The following VAMP3 variants were observed in gnomAD, a reference collection of about 807,000 sequenced individuals.
VAMP3 encodes the protein vesicle associated membrane protein 3.
Under a neutral mutation model 18.1 loss-of-function variants are expected in VAMP3, and 11 were observed. That is an observed-to-expected ratio of 0.61 (90% CI 0.38 to 1.00). The LOEUF (loss-of-function observed/expected upper bound fraction) is 1.00, where lower values mean the gene tolerates loss of function less well. Among genes scored for constraint, VAMP3 ranks in the 50% least tolerant of loss-of-function variants. The pLI is 0.01. For synonymous variants in VAMP3, 49 were observed against 43.1 expected (o/e 1.14, Z -0.53); for missense variants, 122 against 127.3 (o/e 0.96, Z 0.20).
chr1:7,773,091 A>G, intron 1 of VAMP3: 1 of 199,740 alleles, frequency 5.0e-6, no homozygotes, highest in South Asian at 1.4e-4. Flanking sequence ...CAATGAAAAG[A>G]TCAGGAAAGT....
rs2097056604 is a variant in VAMP3 at position 7,780,572 on chromosome 1, T to A, written c.*927T>A. The A allele has an allele frequency of 6.6e-6, 1 of 152,188 alleles. No homozygotes were observed. Among genetic ancestry groups the A allele is most frequent in the Admixed American group, 6.6e-5 (1 of 15,262 alleles). 9.4% of individuals were successfully genotyped at this position (152,188 alleles called of 1,614,324 possible). ...AGACTCTGACCGTCTCATAAAAGAG[T>A]TCTACCCAGCAGTTGGCAGATTATC... On this transcript the variant is annotated 3_prime_UTR_variant, in exon 5 of 5. Transcript: ENST00000054666.
chr1:7,776,686 T>C (rs2097054411), intron 2 of VAMP3: 1 of 152,450 alleles, frequency 6.6e-6, no homozygotes, highest in Non-Finnish European at 1.5e-5. Flanking sequence ...CTATCCTTAA[T>C]ATGCTGATTG....
Position 7,771,330 on chromosome 1 carries a change from T to G in VAMP3, c.-54T>G. On this transcript the variant is annotated 5_prime_UTR_variant, in exon 1 of 5. Transcript: ENST00000054666. ...ATCTCCCTGGCCTCCGGTCCCAACT[T>G]CGCTTCTCTGCTGACCCTCTCTCGT... is the stretch of plus-strand genomic sequence containing the variant. 6.3e-7 allele frequency: 1 copy of G among 1,593,252 alleles called. No individual in the cohort carries two copies. Among genetic ancestry groups the G allele is most frequent in the Non-Finnish European group, 8.5e-7 (1 of 1,172,420 alleles).
In VAMP3 at chr1:7,780,224, T is replaced by C. The variant is rs1308461888; in HGVS notation, c.*579T>C. The C allele has an allele frequency of 6.5e-6, 1 of 152,956 alleles. No homozygotes were observed. The highest frequency in any genetic ancestry group is 1.5e-5 in the Non-Finnish European group (1 of 68,208). 9.5% of individuals were successfully genotyped at this position (152,956 alleles called of 1,614,324 possible). A position where few individuals can be genotyped will look rare whatever the true frequency, so the allele number is the denominator to read the frequency against. The stretch of plus-strand genomic sequence containing the variant: ...TTTGAAGATGTTTACATTGTTGTTA[T>C]TGTTATGTATCACTTGCTAAAAATA... On this transcript the variant is annotated 3_prime_UTR_variant, in exon 5 of 5. Transcript: ENST00000054666.
rs2097056547 is a variant in VAMP3 at position 7,780,467 on chromosome 1, CTT to C, written c.*823_*824del. The stretch of plus-strand genomic sequence containing the variant: ...ACCTTCTACATCTTCATAGGCCTTT[CTT>C]CCTTTTGAAAGGCTGTAGACAGTGT... On this transcript the variant is annotated 3_prime_UTR_variant, in exon 5 of 5. Coordinates refer to ENST00000054666, the MANE Select transcript of VAMP3 (RefSeq NM_004781.4). The C allele has an allele frequency of 6.5e-6, 1 of 152,744 alleles. No individual in the cohort carries two copies. The allele number at this position is 152,744 out of a possible 1,614,324, so 9.5% of individuals were successfully genotyped here.
Position 7,779,681 on chromosome 1 carries a change from C to T in VAMP3, c.*36C>T. On this transcript the variant is annotated 3_prime_UTR_variant, in exon 5 of 5. Coordinates refer to ENST00000054666, the MANE Select transcript of VAMP3 (RefSeq NM_004781.4). ...GAACTCAAAACTGCTGTTCAAGAAA[C>T]CTCTTCAAGACTTTTGACTTAGAAC... The T allele has an allele frequency of 6.2e-7, 1 of 1,613,968 alleles. No individual in the cohort carries two copies. Among genetic ancestry groups the T allele is most frequent in the African/African-American group, 1.3e-5 (1 of 75,034 alleles).
At chr1:7,778,274 T>TA in intron 4 of VAMP3, 105 bp downstream of exon 4, 1 of 1,430,816 alleles carries the variant, frequency 7.0e-7, no homozygotes, top group Non-Finnish European at 9.8e-7. Context: ...TCCGAAATGT[T>TA]AGTTTTGGCT....
chr1:7,773,292 C>A, intron 1 of VAMP3, 150 bp from the exon 2 acceptor site: 1 of 623,390 alleles, frequency 1.6e-6, no homozygotes, highest in Admixed American at 3.4e-5. Context: ...TTAAAACTTT[C>A]GTTCATTGCT....
At chr1:7,774,127 A>G (rs2097052909) in intron 2 of VAMP3, among the ~76,000 whole-genome samples, 1 of 152,260 alleles carries the variant, frequency 6.6e-6, no homozygotes, top group South Asian at 2.1e-4. Flanking sequence ...GTGTTTCCAC[A>G]TTCCTAAAAG....
At chr1:7,771,604 G>C (rs975346498) in intron 1 of VAMP3, among the ~76,000 whole-genome samples, 4 of 152,202 alleles carry the variant, frequency 2.6e-5, no homozygotes, top group Non-Finnish European at 4.4e-5. Context: ...AAGGGGCAAG[G>C]GCGGGGCGGC....
rs1175850978 is a variant in VAMP3 at position 7,777,284 on chromosome 1, A to C, written c.197A>C (p.Lys66Thr). 1 of 1,613,458 alleles carries C rather than the reference A, an allele frequency of 6.2e-7. No individual in the cohort carries two copies. The highest frequency in any genetic ancestry group is 8.5e-7 in the Non-Finnish European group (1 of 1,179,790). The change falls in exon 3 of 5, where the codon AAG becomes ACG. Residue 66 changes from lysine (K) to threonine (T), a missense_variant. Transcript: ENST00000054666. ...TCTCAATTTGAAACGAGCGCAGCCA[A>C]GTTGAAGAGGAAATATTGGTGGAAG... ...GASQFETSAA[K>T]LKRKYWWKNC...
At chr1:7,776,101 G>A (rs2097054180) in intron 2 of VAMP3, among the ~76,000 whole-genome samples, 1 of 152,216 alleles carries the variant, frequency 6.6e-6, no homozygotes, top group African/African-American at 2.4e-5. Flanking sequence ...ATTGGGAAGT[G>A]ACTTTGGGGA....
intron 2 of VAMP3, among the ~76,000 whole-genome samples, chr1:7,774,299 C>T (rs2150365567): frequency 6.6e-6 from 1 of 152,138 alleles, no homozygotes; most frequent in East Asian, 1.9e-4. Context: ...CAGTAAGAAA[C>T]CCATTGTAAT....
intron 1 of VAMP3, among the ~76,000 whole-genome samples, chr1:7,771,991 C>T (rs1260496173): frequency 1.3e-5 from 2 of 152,252 alleles, no homozygotes; most frequent in South Asian, 4.1e-4. Flanking sequence ...TCATTGCTCA[C>T]CGTCGGAGGA....
intron 2 of VAMP3, 37 bp downstream of exon 2, chr1:7,773,548 CAA>C (rs2097052511): frequency 6.4e-7 from 1 of 1,552,686 alleles, no homozygotes; most frequent in African/African-American, 1.4e-5. Flanking sequence ...GAATTTTAAA[CAA>C]ATATGAGTAC....
chr1:7,778,630 A>G (rs1478555292), intron 4 of VAMP3, among the ~76,000 whole-genome samples: 1 of 152,154 alleles, frequency 6.6e-6, no homozygotes, highest in Non-Finnish European at 1.5e-5. Context: ...GAGATTTGAT[A>G]CAAACATTAA....
intron 1 of VAMP3, among the ~76,000 whole-genome samples, chr1:7,772,142 T>A (rs2097051415): frequency 6.6e-6 from 1 of 152,214 alleles, no homozygotes; most frequent in South Asian, 2.1e-4. Context: ...TGCAGCCAGC[T>A]GTGTTGACTC....
chr1:7,771,500 C>T, intron 1 of VAMP3, 115 bp downstream of exon 1: 1 of 1,293,328 alleles, frequency 7.7e-7, no homozygotes, highest in Non-Finnish European at 1.0e-6. Flanking sequence ...GCCGGGGCTG[C>T]GCGGGGATCC....
chr1:7,779,670 T>A lies in VAMP3; in HGVS notation c.*25T>A. On this transcript the variant is annotated 3_prime_UTR_variant, in exon 5 of 5. Transcript: ENST00000054666. ...AAGAACCAGCGGAACTCAAAACTGC[T>A]GTTCAAGAAACCTCTTCAAGACTTT... 1 of 1,614,216 alleles carries A rather than the reference T, an allele frequency of 6.2e-7. No individual in the cohort carries two copies. The highest frequency in any genetic ancestry group is 8.5e-7 in the Non-Finnish European group (1 of 1,180,026).
Sources: gnomAD v4.1 joint callset for allele counts (sites outside exome capture counted in the v4.1 genomes callset) on GRCh38, gnomAD v4.1.1 for gene constraint, MANE v1.5 for transcripts, NCBI Gene and HGNC (gene_info 2026-07-23, HGNC 2026-07-21) for gene names.